The following TMEM117 variants were observed in gnomAD, a reference collection of about 807,000 sequenced individuals.
The protein encoded by TMEM117 is transmembrane protein 117.
In TMEM117, 27 loss-of-function variants were observed where a neutral mutation model predicts 52.4. The observed-to-expected ratio is 0.51, with a 90% CI of 0.38 to 0.71. The LOEUF is 0.71. Ranked by LOEUF, TMEM117 falls within the 30% of genes least tolerant of loss-of-function variation. The pLI, the probability that TMEM117 is intolerant of heterozygous loss-of-function variation, is 0.00. For missense variants in TMEM117, 556 were observed against 630.5 expected (o/e 0.88, Z 1.26); for synonymous variants, 215 against 206.3 (o/e 1.04, Z -0.36).
At chr12:43,846,472 A>C (rs2137360994) in intron 2 of TMEM117, among the ~76,000 whole-genome samples, 1 of 152,044 alleles carries the variant, frequency 6.6e-6, no homozygotes, top group Middle Eastern at 3.4e-3. Flanking sequence ...AAGTTGTCTC[A>C]GGGTTTGGTT....
At chr12:43,950,705 T>C (rs2137633351) in intron 3 of TMEM117, among the ~76,000 whole-genome samples, 1 of 152,296 alleles carries the variant, frequency 6.6e-6, no homozygotes, top group South Asian at 2.1e-4. Flanking sequence ...GGCTCAAGCA[T>C]GTGCACTAAC....
intron 2 of TMEM117, among the ~76,000 whole-genome samples, chr12:43,913,737 A>G (rs1459111393): frequency 1.3e-5 from 2 of 152,238 alleles, no homozygotes; most frequent in Non-Finnish European, 2.9e-5. Context: ...TGCAAGGCAC[A>G]GAATCACACA....
chr12:43,796,922 G>A, the TMEM117 span: 3 of 1,548,878 alleles, frequency 1.9e-6, no homozygotes, highest in South Asian at 1.1e-5. Flanking sequence ...AAACTACATA[G>A]AAATGAAAAG....
chr12:43,838,957 C>T (rs1410561196), intron 1 of TMEM117, among the ~76,000 whole-genome samples: 2 of 152,124 alleles, frequency 1.3e-5, no homozygotes, highest in Non-Finnish European at 1.5e-5. Context: ...CTGTCTATAT[C>T]TACTGCATCC....
intron 5 of TMEM117, among the ~76,000 whole-genome samples, chr12:44,272,089 G>A (rs912691397): frequency 6.6e-6 from 1 of 151,404 alleles, no homozygotes; most frequent in Admixed American, 6.6e-5. Context: ...GATAAGTATT[G>A]GTAAGAATGT....
chr12:43,951,730 TTGATGAGGGCTCTGATCC>T (rs56166739), intron 3 of TMEM117, among the ~76,000 whole-genome samples: 15,478 of 152,114 alleles, frequency 0.1, 968 homozygotes, highest in Middle Eastern at 0.22. Flanking sequence ...TCTGAAGAGA[TTGATGAGGGCTCTGATCC>T]TGATGAGGGC....
At chr12:43,928,829 G>T (rs945366099) in intron 2 of TMEM117, among the ~76,000 whole-genome samples, 1 of 149,384 alleles carries the variant, frequency 6.7e-6, no homozygotes, top group East Asian at 2.0e-4. Context: ...CCACCTATGA[G>T]TGAGAATATG....
intron 2 of TMEM117, among the ~76,000 whole-genome samples, chr12:43,875,653 T>A (rs1012207033): frequency 2.6e-5 from 4 of 152,224 alleles, no homozygotes; most frequent in African/African-American, 4.8e-5. Flanking sequence ...ATTATCTAGC[T>A]GCCTAAAATT....
chr12:44,123,482 A>G (rs1230364475), intron 3 of TMEM117, among the ~76,000 whole-genome samples: 1 of 152,102 alleles, frequency 6.6e-6, no homozygotes, highest in Admixed American at 6.6e-5. Flanking sequence ...GCCCATGCCT[A>G]TGTCCTGAAT....
intron 5 of TMEM117, among the ~76,000 whole-genome samples, chr12:44,274,249 G>T (rs1487412464): frequency 6.6e-6 from 1 of 151,964 alleles, no homozygotes; most frequent in Non-Finnish European, 1.5e-5. Flanking sequence ...CTTTACCAAA[G>T]AAGTGAAAGA....
chr12:44,225,119 G>A (rs1464220616), intron 5 of TMEM117, among the ~76,000 whole-genome samples: 14 of 152,090 alleles, frequency 9.2e-5, no homozygotes, highest in Admixed American at 9.2e-4. Context: ...GTGGCAATTT[G>A]GGGTAAAGAA....
At chr12:44,176,499 T>C (rs917319209) in intron 4 of TMEM117, among the ~76,000 whole-genome samples, 2 of 152,202 alleles carry the variant, frequency 1.3e-5, no homozygotes, top group African/African-American at 4.8e-5. Flanking sequence ...GATTTGTTTA[T>C]CCATGGATCC....
intron 3 of TMEM117, among the ~76,000 whole-genome samples, chr12:43,954,471 A>C (rs1945275578): frequency 6.6e-6 from 1 of 152,206 alleles, no homozygotes; most frequent in South Asian, 2.1e-4. Flanking sequence ...GGATACCACC[A>C]CTGACCCCAC....
chr12:44,373,087 C>T (rs1951886745), intron 6 of TMEM117, among the ~76,000 whole-genome samples: 1 of 152,138 alleles, frequency 6.6e-6, no homozygotes, highest in South Asian at 2.1e-4. Flanking sequence ...TATAATAGAA[C>T]GTTGCAGGTG....
chr12:44,321,228 A>G (rs1032519531), intron 6 of TMEM117, among the ~76,000 whole-genome samples: 1 of 152,190 alleles, frequency 6.6e-6, no homozygotes, highest in Non-Finnish European at 1.5e-5. Context: ...TTTTCATAGT[A>G]TTTTACAAAG....
chr12:43,870,224 G>A (rs989899207), intron 2 of TMEM117, among the ~76,000 whole-genome samples: 4 of 151,354 alleles, frequency 2.6e-5, no homozygotes, highest in Non-Finnish European at 5.9e-5. Flanking sequence ...GTGCTGCAGT[G>A]AACATGTGAA....
chr12:44,378,139 C>A (rs1951968319), intron 7 of TMEM117, among the ~76,000 whole-genome samples: 1 of 152,092 alleles, frequency 6.6e-6, no homozygotes, highest in South Asian at 2.1e-4. Context: ...TCTGTTCTTG[C>A]TACCAGCTCT....
chr12:44,014,142 AC>A (rs1345083948), intron 3 of TMEM117, among the ~76,000 whole-genome samples: 1 of 152,174 alleles, frequency 6.6e-6, no homozygotes, highest in East Asian at 1.9e-4. Flanking sequence ...CCCCCACAGC[AC>A]AAAAGCAATA....
chr12:44,086,495 G>A (rs1480276952), intron 3 of TMEM117, among the ~76,000 whole-genome samples: 2 of 152,072 alleles, frequency 1.3e-5, no homozygotes, highest in South Asian at 2.1e-4. Context: ...GATTACAGGC[G>A]TGAGCTACTG....
Sources: allele counts gnomAD v4.1 joint callset (sites outside exome capture counted in the v4.1 genomes callset), GRCh38; gene constraint gnomAD v4.1.1; transcripts MANE v1.5; gene names NCBI Gene and HGNC (gene_info 2026-07-23, HGNC 2026-07-21).